The following HS6ST3 variants were observed in gnomAD, a reference collection of about 807,000 sequenced individuals.
The protein encoded by HS6ST3 is heparan-sulfate 6-O-sulfotransferase 3.
HS6ST3 carries 12 observed loss-of-function variants against 36.7 expected under a neutral mutation model. The ratio of observed to expected loss-of-function variants is 0.33; its 90% CI spans 0.21 to 0.53. The LOEUF (loss-of-function observed/expected upper bound fraction) is 0.53. HS6ST3 is among the 20% of genes least tolerant of loss of function. The probability of loss-of-function intolerance (pLI) is 0.95; values close to 1 mark genes in which losing one functional copy is unlikely to be tolerated. For missense variants in HS6ST3, 584 were observed against 640.9 expected, an observed-to-expected ratio of 0.91 and a Z score of 0.96; for synonymous variants, 240 against 257.5, an observed-to-expected ratio of 0.93 and a Z score of 0.65.
At chr13:96,648,232 T>C (rs951495360) in intron 1 of HS6ST3, among the ~76,000 whole-genome samples, 2 of 152,060 alleles carry the variant, frequency 1.3e-5, no homozygotes, top group Non-Finnish European at 2.9e-5. Context: ...TCACCTGAAA[T>C]TTGTAGTTAC....
At chr13:96,582,021 T>C (rs1370973152) in intron 1 of HS6ST3, among the ~76,000 whole-genome samples, 1 of 152,226 alleles carries the variant, frequency 6.6e-6, no homozygotes, top group African/African-American at 2.4e-5. Flanking sequence ...CATTTTCTAT[T>C]CAACTCCAGC....
intron 1 of HS6ST3, among the ~76,000 whole-genome samples, chr13:96,172,900 G>T (rs1437955209): frequency 6.6e-6 from 1 of 152,150 alleles, no homozygotes; most frequent in African/African-American, 2.4e-5. Context: ...AAAGTGCCAA[G>T]AATTTTACAT....
chr13:96,762,055 T>C (rs1352648968), intron 1 of HS6ST3, among the ~76,000 whole-genome samples: 5 of 150,768 alleles, frequency 3.3e-5, no homozygotes, highest in Admixed American at 3.3e-4. Context: ...TTTATGTTTT[T>C]ATATATATAT....
chr13:96,368,393 G>A (rs988418270), intron 1 of HS6ST3, among the ~76,000 whole-genome samples: 1 of 151,758 alleles, frequency 6.6e-6, no homozygotes, highest in Non-Finnish European at 1.5e-5. Context: ...TACTATATTT[G>A]AAGAGGACAT....
chr13:96,573,183 T>G (rs904276228), intron 1 of HS6ST3, among the ~76,000 whole-genome samples: 1 of 152,214 alleles, frequency 6.6e-6, no homozygotes, highest in African/African-American at 2.4e-5. Flanking sequence ...AGGTTAAAAA[T>G]TAGAATGTCT....
At chr13:96,626,176 G>A (rs2056511731) in intron 1 of HS6ST3, among the ~76,000 whole-genome samples, 1 of 152,024 alleles carries the variant, frequency 6.6e-6, no homozygotes, top group Non-Finnish European at 1.5e-5. Flanking sequence ...GCATAGTCCA[G>A]TTTGTCAGTA....
chr13:96,566,361 G>T (rs2056281304), intron 1 of HS6ST3, among the ~76,000 whole-genome samples: 1 of 151,994 alleles, frequency 6.6e-6, no homozygotes, highest in African/African-American at 2.4e-5. Flanking sequence ...ACAGAAAGAG[G>T]TAACATTATT....
chr13:96,468,060 G>A (rs984769651), intron 1 of HS6ST3, among the ~76,000 whole-genome samples: 22 of 152,114 alleles, frequency 1.4e-4, no homozygotes, highest in African/African-American at 4.8e-4. Flanking sequence ...GTTTCTTTAT[G>A]CTGACATCTA....
intron 1 of HS6ST3, among the ~76,000 whole-genome samples, chr13:96,353,110 T>C (rs1295204314): frequency 6.8e-5 from 10 of 146,502 alleles, no homozygotes; most frequent in African/African-American, 2.3e-4. Context: ...CTGGAGTGCA[T>C]TGGTGTGATC....
intron 1 of HS6ST3, among the ~76,000 whole-genome samples, chr13:96,117,826 C>T (rs1158965964): frequency 1.3e-5 from 2 of 151,506 alleles, no homozygotes; most frequent in Non-Finnish European, 2.9e-5. Context: ...CTCCTGCCCC[C>T]AAATTTATGG....
chr13:96,378,695 T>A (rs1230065104), intron 1 of HS6ST3, among the ~76,000 whole-genome samples: 1 of 152,188 alleles, frequency 6.6e-6, no homozygotes. Context: ...TCCCTAGTAG[T>A]AGGCACAGGG....
chr13:96,537,521 C>T (rs1448849353), intron 1 of HS6ST3, among the ~76,000 whole-genome samples: 1 of 152,212 alleles, frequency 6.6e-6, no homozygotes, highest in Non-Finnish European at 1.5e-5. Flanking sequence ...TGTGCTGCTT[C>T]TGCCCATTAA....
At chr13:96,297,116 C>T (rs1295950417) in intron 1 of HS6ST3, among the ~76,000 whole-genome samples, 1 of 152,014 alleles carries the variant, frequency 6.6e-6, no homozygotes, top group African/African-American at 2.4e-5. Context: ...ACATTGGGTC[C>T]CTAGTTACTA....
intron 1 of HS6ST3, among the ~76,000 whole-genome samples, chr13:96,785,184 C>A (rs1469601790): frequency 2.0e-5 from 3 of 151,866 alleles, no homozygotes; most frequent in Non-Finnish European, 2.9e-5. Context: ...AAAAAAGTTT[C>A]TCTTTTGAAT....
chr13:96,740,300 A>C (rs1876405412), intron 1 of HS6ST3, among the ~76,000 whole-genome samples: 1 of 152,146 alleles, frequency 6.6e-6, no homozygotes, highest in Non-Finnish European at 1.5e-5. Flanking sequence ...TCATATGTGC[A>C]TGGCATAGTT....
At chr13:96,616,309 A>G (rs1223758855) in intron 1 of HS6ST3, among the ~76,000 whole-genome samples, 3 of 152,216 alleles carry the variant, frequency 2.0e-5, no homozygotes, top group African/African-American at 7.2e-5. Context: ...CACAAATGGT[A>G]CATTTTCTAG....
At position 96,725,670 on chromosome 13, in the gene HS6ST3, A is replaced by T. The variant is rs1007404922; in HGVS notation, c.708-106820A>T. 4.7e-5 allele frequency among the ~76,000 whole-genome samples: 7 copies of T among 148,534 alleles called. No individual in the cohort carries two copies. The East Asian group carries it at 1.4e-3, about 29-fold the overall frequency. On this transcript the variant is annotated intron_variant, in intron 1 of 1. Transcript: ENST00000376705. ...AGAACACAGTTTTTCACTGAATTGCATGTGTGTGTGTGTGTGTGTGTGATT... is the reference window on the plus strand; with the variant it reads ...AGAACACAGTTTTTCACTGAATTGCTTGTGTGTGTGTGTGTGTGTGTGATT...
rs948052413 is a variant in HS6ST3 at position 96,837,083 on chromosome 13, A to G, written c.*3885A>G. ...AAGAAGGCTAGGGAATGTCTTTATT[A>G]TTGATTGTCATGTGCCTTGATAAGC... On this transcript the variant is annotated 3_prime_UTR_variant, in exon 2 of 2. Transcript: ENST00000376705. 2 of 152,214 alleles carry G rather than the reference A, an allele frequency of 1.3e-5. No individual in the cohort carries two copies. The highest frequency in any genetic ancestry group is 2.4e-5 in the African/African-American group (1 of 41,452). The allele number at this position is 152,214 out of a possible 1,614,324, so 9.4% of individuals were successfully genotyped here.
At chr13:96,674,746 G>T (rs1181916967) in intron 1 of HS6ST3, among the ~76,000 whole-genome samples, 1 of 152,070 alleles carries the variant, frequency 6.6e-6, no homozygotes, top group Non-Finnish European at 1.5e-5. Context: ...ATTCTGCAGT[G>T]GTCCACTGCT....
Sources: gnomAD v4.1 joint callset for allele counts (sites outside exome capture counted in the v4.1 genomes callset) on GRCh38, gnomAD v4.1.1 for gene constraint, MANE v1.5 for transcripts, NCBI Gene and HGNC (gene_info 2026-07-23, HGNC 2026-07-21) for gene names.